Variants in PSMA3 observed in about 807,000 individuals in gnomAD.
PSMA3 encodes proteasome subunit alpha type-3.
In PSMA3, 8 loss-of-function variants were observed where a neutral mutation model predicts 40.0. That is an observed-to-expected ratio of 0.20 (90% CI 0.12 to 0.36). The LOEUF (loss-of-function observed/expected upper bound fraction) is 0.36. Ranked by LOEUF, PSMA3 falls within the 10% of genes least tolerant of loss-of-function variation. The pLI is 1.00. For synonymous variants in PSMA3, 110 were observed against 100.0 expected (o/e 1.10, Z -0.59); for missense variants, 219 against 310.6 (o/e 0.70, Z 2.22).
chr14:58,255,827 C>T (rs1167566187), intron 3 of PSMA3, among the ~76,000 whole-genome samples: 2 of 152,232 alleles, frequency 1.3e-5, no homozygotes, highest in South Asian at 2.1e-4. Context: ...GAGGACCTCT[C>T]GGCACATACA....
At chr14:58,267,637 A>G in intron 8 of PSMA3, 117 bp downstream of exon 8, 1 of 1,291,550 alleles carries the variant, frequency 7.7e-7, no homozygotes, top group South Asian at 2.4e-5. Flanking sequence ...TATAATTTTT[A>G]GAAGGTAAAT....
Position 58,257,738 on chromosome 14 carries a change from T to G in PSMA3, c.229-7T>G. 6.2e-7 allele frequency: 1 copy of G among 1,606,516 alleles called. No homozygotes were observed. The highest frequency in any genetic ancestry group is 1.3e-5 in the African/African-American group (1 of 74,954). ...GTTCCTCTAGTAAATTGGTGCTTTTTTTTCAGGCAGTAGCAGGTTTGTTGG... is the reference window on the plus strand; with the variant it reads ...GTTCCTCTAGTAAATTGGTGCTTTTGTTTCAGGCAGTAGCAGGTTTGTTGG... On this transcript the variant is annotated splice_region_variant and splice_polypyrimidine_tract_variant and intron_variant, in intron 3 of 10. Transcript: ENST00000216455.
chr14:58,264,603 C>G (rs1053177563), intron 7 of PSMA3: 4 of 152,192 alleles, frequency 2.6e-5, no homozygotes, highest in Admixed American at 2.6e-4. Context: ...TAATGCTGTA[C>G]TAGAACCCTG....
chr14:58,265,991 C>T (rs944268011), intron 7 of PSMA3: 1 of 152,186 alleles, frequency 6.6e-6, no homozygotes. Flanking sequence ...CATTATCAGA[C>T]CCAAGTATCA....
At chr14:58,250,003 G>A (rs1889971397) in intron 2 of PSMA3, among the ~76,000 whole-genome samples, 3 of 152,144 alleles carry the variant, frequency 2.0e-5, no homozygotes, top group Admixed American at 1.3e-4. Context: ...TGTATTGCTT[G>A]AGCTCAGGAG....
At chr14:58,262,443 T>G (rs1332931749) in intron 6 of PSMA3, among the ~76,000 whole-genome samples, 1 of 152,144 alleles carries the variant, frequency 6.6e-6, no homozygotes, top group Non-Finnish European at 1.5e-5. Flanking sequence ...TGATCTCAAG[T>G]AATCCGCCCA....
chr14:58,247,710 G>A, intron 1 of PSMA3, 40 bp from the exon 2 acceptor site: 1 of 1,374,816 alleles, frequency 7.3e-7, no homozygotes, highest in Non-Finnish European at 1.0e-6. Context: ...GGTCATTACT[G>A]CCAAAGATAC....
intron 2 of PSMA3, among the ~76,000 whole-genome samples, chr14:58,251,436 C>T (rs1208350853): frequency 6.6e-6 from 1 of 152,154 alleles, no homozygotes; most frequent in African/African-American, 2.4e-5. Context: ...CAGGCGTGTA[C>T]CACCATGCCT....
In PSMA3 at chr14:58,244,959, C is replaced by G. The variant is rs201567157; in HGVS notation, c.21+18C>G. ...GCACTGGGGTGAGTTCGCTGTCTGTCGGTGTAATAGTTTAACCTAAGGATT... is the reference window on the plus strand; with the variant it reads ...GCACTGGGGTGAGTTCGCTGTCTGTGGGTGTAATAGTTTAACCTAAGGATT... On this transcript the variant is annotated intron_variant, in intron 1 of 10. Coordinates refer to ENST00000216455, the MANE Select transcript of PSMA3 (RefSeq NM_002788.4). 1.2e-6 allele frequency: 2 copies of G among 1,614,054 alleles called. No homozygotes were observed. The highest frequency in any genetic ancestry group is 1.7e-6 in the Non-Finnish European group (2 of 1,180,020).
chr14:58,262,829 CTGGGAT>C (rs1211675374), intron 6 of PSMA3, among the ~76,000 whole-genome samples: 1 of 151,956 alleles, frequency 6.6e-6, no homozygotes, highest in East Asian at 1.9e-4. Flanking sequence ...TCCCAAAGTG[CTGGGAT>C]TACAAGCACT....
At chr14:58,271,503 A>AT (rs1212315032) in intron 10 of PSMA3, among the ~76,000 whole-genome samples, 2 of 151,750 alleles carry the variant, frequency 1.3e-5, no homozygotes, top group Non-Finnish European at 2.9e-5. Flanking sequence ...CTACTTTTGT[A>AT]TTTTTGGCTT....
intron 3 of PSMA3, among the ~76,000 whole-genome samples, chr14:58,255,181 T>G (rs1890115382): frequency 1.2e-5 from 1 of 80,368 alleles, no homozygotes; most frequent in Non-Finnish European, 2.8e-5. Flanking sequence ...AAAAACTTAG[T>G]AGCCGTTTTT....
At chr14:58,248,271 C>A (rs1889922165) in intron 2 of PSMA3, among the ~76,000 whole-genome samples, 1 of 152,222 alleles carries the variant, frequency 6.6e-6, no homozygotes, top group African/African-American at 2.4e-5. Context: ...ACTCTGTCAC[C>A]TAGGCTAGAG....
chr14:58,248,766 C>G (rs964105819), intron 2 of PSMA3, among the ~76,000 whole-genome samples: 5 of 151,050 alleles, frequency 3.3e-5, no homozygotes, highest in African/African-American at 1.2e-4. Flanking sequence ...ACCAGCCTGG[C>G]CAACATGGTA....
At chr14:58,270,784 G>T in intron 9 of PSMA3, 150 bp from the exon 10 acceptor site, 1 of 777,910 alleles carries the variant, frequency 1.3e-6, no homozygotes, top group African/African-American at 1.8e-5. Flanking sequence ...TGTAGAAGCA[G>T]CACACAAAAA....
intron 6 of PSMA3, among the ~76,000 whole-genome samples, chr14:58,262,959 G>GT (rs1433557302): frequency 2.7e-5 from 4 of 149,020 alleles, no homozygotes; most frequent in African/African-American, 9.9e-5. Context: ...ATATTTTGCT[G>GT]TAACAGAAGT....
chr14:58,253,821 T>C (rs980174685), intron 3 of PSMA3, among the ~76,000 whole-genome samples: 2 of 152,132 alleles, frequency 1.3e-5, no homozygotes. Flanking sequence ...CTCGGACTCC[T>C]GAACTCCAGT....
rs1182210612 is a variant in PSMA3 at position 58,271,892 on chromosome 14, G to T, written c.765G>T (p.Met255Ile). Residue 255 changes from methionine (M) to isoleucine (I), a missense_variant, in exon 11 of 11, where the codon ATG (methionine) becomes ATT (isoleucine). Transcript: ENST00000216455. The part of the protein sequence containing the change: ...KEEDESDDDN[M>I] ...AAGATGAATCAGATGATGATAATAT[G>T]TAACATTTACTCCAGCATCTATTGT... 5 of 1,582,132 alleles carry T rather than the reference G, an allele frequency of 3.2e-6. No individual in the cohort carries two copies. The highest frequency in any genetic ancestry group is 1.7e-5 in the Admixed American group (1 of 59,802).
At chr14:58,269,807 C>T (rs1346996478) in intron 8 of PSMA3, 1 of 151,852 alleles carries the variant, frequency 6.6e-6, no homozygotes, top group Non-Finnish European at 1.5e-5. Flanking sequence ...ACGCCTCTTC[C>T]TAGTGAATCC....
Sources: gnomAD v4.1 joint callset for allele counts (sites outside exome capture counted in the v4.1 genomes callset) on GRCh38, gnomAD v4.1.1 for gene constraint, MANE v1.5 for transcripts, NCBI Gene and HGNC (gene_info 2026-07-23, HGNC 2026-07-21) for gene names.